Variants in IMMP2L observed in about 807,000 individuals in gnomAD.
The protein encoded by IMMP2L is mitochondrial inner membrane protease subunit 2.
A neutral mutation model predicts 19.3 loss-of-function variants in IMMP2L; 18 were observed. That is an observed-to-expected ratio of 0.93 (90% CI 0.64 to 1.38). IMMP2L has a LOEUF of 1.38. IMMP2L is among the 40% of genes most tolerant of loss of function. The pLI is 0.00. For synonymous variants in IMMP2L, 76 were observed against 73.0 expected (o/e 1.04, Z -0.21); for missense variants, 233 against 218.2 (o/e 1.07, Z -0.43).
intron 4 of IMMP2L, among the ~76,000 whole-genome samples, chr7:110,897,670 A>C (rs571867227): frequency 2.6e-5 from 4 of 152,206 alleles, no homozygotes; most frequent in Non-Finnish European, 5.9e-5. Flanking sequence ...GTGGCAAAAA[A>C]TCTGGATGCA....
Position 110,946,921 on chromosome 7 carries a change from C to T in IMMP2L, c.305+16579G>A, listed in dbSNP as rs936394027. 6.3e-4 allele frequency among the ~76,000 whole-genome samples: 96 copies of T among 151,852 alleles called. 1 individual carries two copies. Among genetic ancestry groups the T allele is most frequent in the African/African-American group, 2.2e-3 (92 of 41,332 alleles). ...ATTTTTAGTAGAGATGGAGTTTCAC[C>T]GTGTTAGTCAGGATGGTCTCGATAC... On this transcript the variant is annotated intron_variant, in intron 4 of 5. Transcript: ENST00000405709.
intron 3 of IMMP2L, among the ~76,000 whole-genome samples, chr7:111,080,547 T>A (rs2129576373): frequency 6.6e-6 from 1 of 152,046 alleles, no homozygotes; most frequent in African/African-American, 2.4e-5. Flanking sequence ...TGTGTATGTA[T>A]ACACACAGAA....
chr7:111,127,786 A>G (rs1465139251), intron 3 of IMMP2L, among the ~76,000 whole-genome samples: 1 of 152,220 alleles, frequency 6.6e-6, no homozygotes, highest in Non-Finnish European at 1.5e-5. Context: ...TAATCTGCTC[A>G]CCTTGTATGG....
rs182067532 is a variant in IMMP2L at position 111,051,784 on chromosome 7, G to A, written c.240-88219C>T. ...TAGGTTGTCCCATTTGAAGAATCAT[G>A]ATTGATTCTATCATAAGCAGCCTAT... On this transcript the variant is annotated intron_variant, in intron 3 of 5. Transcript: ENST00000405709. Among the ~76,000 whole-genome samples the A allele has an allele frequency of 3.9e-5, 6 of 152,282 alleles. No homozygotes were observed. In the East Asian group the frequency reaches 1.2e-3, roughly 29 times the overall value.
At chr7:111,413,663 A>AG (rs1170792770) in intron 3 of IMMP2L, among the ~76,000 whole-genome samples, 1 of 131,726 alleles carries the variant, frequency 7.6e-6, no homozygotes, top group Non-Finnish European at 1.7e-5. Context: ...TCCTAATTTA[A>AG]GAAAAAAAAA....
chr7:110,816,562 G>A (rs1021566126), intron 5 of IMMP2L, among the ~76,000 whole-genome samples: 16 of 151,620 alleles, frequency 1.1e-4, no homozygotes, highest in Non-Finnish European at 1.6e-4. Context: ...TGTTGACAGC[G>A]GGGTGTTAAA....
intron 3 of IMMP2L, among the ~76,000 whole-genome samples, chr7:111,397,973 T>C (rs1833039577): frequency 6.6e-6 from 1 of 152,178 alleles, no homozygotes; most frequent in African/African-American, 2.4e-5. Context: ...TACTTTCTTC[T>C]AAGTATTTTA....
intron 4 of IMMP2L, among the ~76,000 whole-genome samples, chr7:110,930,146 G>C (rs1426636018): frequency 6.6e-6 from 1 of 152,066 alleles, no homozygotes; most frequent in Non-Finnish European, 1.5e-5. Context: ...CTTTAACATG[G>C]CACAACAATG....
intron 5 of IMMP2L, among the ~76,000 whole-genome samples, chr7:110,788,026 C>T (rs974224090): frequency 2.0e-5 from 3 of 151,886 alleles, no homozygotes; most frequent in Non-Finnish European, 2.9e-5. Flanking sequence ...TTGCTCCTGC[C>T]GATATCCCCG....
intron 3 of IMMP2L, among the ~76,000 whole-genome samples, chr7:111,235,470 T>TAA (rs78702981): frequency 1.4e-5 from 2 of 141,140 alleles, no homozygotes; most frequent in Admixed American, 7.1e-5. Flanking sequence ...AAACTCCGTC[T>TAA]AAAAAAAAAA....
chr7:110,837,783 A>G (rs896287932), intron 5 of IMMP2L, among the ~76,000 whole-genome samples: 2 of 152,130 alleles, frequency 1.3e-5, no homozygotes, highest in African/African-American at 4.8e-5. Flanking sequence ...CTGAAAGTGT[A>G]TTTCTGAATG....
At chr7:110,927,828 C>A (rs1047017066) in intron 4 of IMMP2L, among the ~76,000 whole-genome samples, 2 of 152,044 alleles carry the variant, frequency 1.3e-5, no homozygotes, top group African/African-American at 4.8e-5. Context: ...AAACTATATA[C>A]CCTTGTTTTA....
intron 2 of IMMP2L, among the ~76,000 whole-genome samples, chr7:111,492,723 G>A (rs1236994275): frequency 1.3e-5 from 2 of 152,100 alleles, no homozygotes; most frequent in African/African-American, 4.8e-5. Context: ...ATTTATGCAA[G>A]GGAAGAAAAC....
At chr7:111,223,142 T>G (rs1472449930) in intron 3 of IMMP2L, among the ~76,000 whole-genome samples, 4 of 152,180 alleles carry the variant, frequency 2.6e-5, no homozygotes, top group Non-Finnish European at 5.9e-5. Context: ...CAAATATATG[T>G]ATCAAAATAT....
intron 3 of IMMP2L, among the ~76,000 whole-genome samples, chr7:111,144,146 A>C (rs1170251391): frequency 6.6e-6 from 1 of 152,130 alleles, no homozygotes; most frequent in Non-Finnish European, 1.5e-5. Flanking sequence ...TATGAGCACA[A>C]ATAATACTTC....
chr7:111,478,967 TTGGG>T (rs1231961169), intron 3 of IMMP2L, among the ~76,000 whole-genome samples: 1 of 152,148 alleles, frequency 6.6e-6, no homozygotes, highest in Non-Finnish European at 1.5e-5. Flanking sequence ...AAAATCAAGA[TTGGG>T]TTTATCAAAG....
At chr7:111,501,850 T>C (rs1032978042) in intron 2 of IMMP2L, among the ~76,000 whole-genome samples, 2 of 152,072 alleles carry the variant, frequency 1.3e-5, no homozygotes, top group African/African-American at 4.8e-5. Context: ...GAACAACCGG[T>C]ACCAGCCACT....
At chr7:111,113,101 G>A (rs1026677474) in intron 3 of IMMP2L, among the ~76,000 whole-genome samples, 1 of 152,126 alleles carries the variant, frequency 6.6e-6, no homozygotes, top group African/African-American at 2.4e-5. Context: ...TTCCTTCAGA[G>A]TAATGTTCCC....
intron 4 of IMMP2L, among the ~76,000 whole-genome samples, chr7:110,950,728 G>A (rs1330535663): frequency 6.6e-6 from 1 of 151,052 alleles, no homozygotes; most frequent in Non-Finnish European, 1.5e-5. Context: ...ACTTGGAGTA[G>A]CATGACAGGA....
Sources: allele counts gnomAD v4.1 joint callset (sites outside exome capture counted in the v4.1 genomes callset), GRCh38; gene constraint gnomAD v4.1.1; transcripts MANE v1.5; gene names NCBI Gene and HGNC (gene_info 2026-07-23, HGNC 2026-07-21).